Variants in TGFA observed in about 807,000 individuals in gnomAD.
TGFA encodes the protein transforming growth factor alpha, also known as protransforming growth factor alpha.
TGFA carries 12 observed loss-of-function variants against 21.7 expected under a neutral mutation model. The ratio of observed to expected loss-of-function variants is 0.55; its 90% CI spans 0.35 to 0.90. The LOEUF is 0.90. TGFA is among the 40% of genes least tolerant of loss of function. TGFA has a pLI of 0.01. For missense variants in TGFA, 178 were observed against 210.8 expected, an observed-to-expected ratio of 0.84 and a Z score of 0.96; for synonymous variants, 79 against 88.1, an observed-to-expected ratio of 0.90 and a Z score of 0.58.
At chr2:70,488,841 G>A (rs1671344019) in intron 2 of TGFA, among the ~76,000 whole-genome samples, 1 of 152,154 alleles carries the variant, frequency 6.6e-6, no homozygotes. Context: ...TTTCTGTGAT[G>A]CACCCTGCAG....
intron 2 of TGFA, among the ~76,000 whole-genome samples, chr2:70,469,976 G>A (rs1670685902): frequency 6.6e-6 from 1 of 152,142 alleles, no homozygotes; most frequent in Non-Finnish European, 1.5e-5. Flanking sequence ...ATGACATGAG[G>A]TGGTGTTATA....
chr2:70,475,885 G>A (rs782403142), intron 2 of TGFA, among the ~76,000 whole-genome samples: 6 of 151,836 alleles, frequency 4.0e-5, no homozygotes, highest in African/African-American at 7.3e-5. Context: ...AGGCAGGTAT[G>A]AGACTCCACA....
At chr2:70,508,721 A>G (rs1228955410) in intron 2 of TGFA, among the ~76,000 whole-genome samples, 2 of 152,208 alleles carry the variant, frequency 1.3e-5, no homozygotes, top group African/African-American at 2.4e-5. Flanking sequence ...ATTCAATTCC[A>G]CTTTTAAAAA....
rs933088382 is a variant in TGFA at position 70,465,726 on chromosome 2, G to A, written c.105C>T (p.Pro35=). The change falls in exon 3 of 6, where the codon CCC becomes CCT. Residue 35 remains proline (P), a synonymous_variant. Transcript: ENST00000295400. ...AATGGGACACCACTGCTGCAGCCAC[G>A]GGCGGGTCTGCTGGGGAGAGGAAAG... ...NSTSPLSADP[P]VAAAVVSHFN... The A allele has an allele frequency of 5.6e-6, 9 of 1,613,986 alleles. No homozygotes were observed. Among genetic ancestry groups the A allele is most frequent in the East Asian group, 2.2e-5 (1 of 44,866 alleles).
chr2:70,459,017 G>T (rs1454547772), intron 3 of TGFA, among the ~76,000 whole-genome samples: 1 of 152,234 alleles, frequency 6.6e-6, no homozygotes, highest in African/African-American at 2.4e-5. Context: ...TAGGGTTAGT[G>T]CTTCTTTCTC....
chr2:70,515,721 C>T (rs192907292), intron 1 of TGFA, among the ~76,000 whole-genome samples: 74 of 152,214 alleles, frequency 4.9e-4, no homozygotes, highest in African/African-American at 1.5e-3. Context: ...GCCACCATGC[C>T]GTACCCTGAG....
At chr2:70,451,989 C>T (rs1670074000) in intron 5 of TGFA, among the ~76,000 whole-genome samples, 1 of 152,222 alleles carries the variant, frequency 6.6e-6, no homozygotes, top group Non-Finnish European at 1.5e-5. Flanking sequence ...TGCTCCCTTA[C>T]TGTGCACGAT....
chr2:70,462,286 G>C (rs1281252533), intron 3 of TGFA, among the ~76,000 whole-genome samples: 1 of 152,228 alleles, frequency 6.6e-6, no homozygotes, highest in African/African-American at 2.4e-5. Context: ...AAAGGGATAA[G>C]GTGTGGTTCT....
chr2:70,485,129 C>T (rs1191539716), intron 2 of TGFA, among the ~76,000 whole-genome samples: 5 of 152,176 alleles, frequency 3.3e-5, no homozygotes, highest in African/African-American at 4.8e-5. Flanking sequence ...CTGTAGTTAC[C>T]CAAGGTGGTA....
At position 70,539,019 on chromosome 2, in the gene TGFA, C is replaced by T. The variant is rs115930368; in HGVS notation, c.40+14709G>A. ...ACAACCCTGATCAGTCAGCAGCCAACGACATCAAGGTGATATCCTTCACCA... is the reference window on the plus strand; with the variant it reads ...ACAACCCTGATCAGTCAGCAGCCAATGACATCAAGGTGATATCCTTCACCA... On this transcript the variant is annotated intron_variant, in intron 1 of 5. Coordinates refer to ENST00000295400, the MANE Select transcript of TGFA (RefSeq NM_003236.4). Among the ~76,000 whole-genome samples, 1,209 of 152,296 alleles carry T rather than the reference C, an allele frequency of 7.9e-3. 8 individuals are homozygous for T. The highest frequency in any genetic ancestry group is 0.012 in the Admixed American group (186 of 15,292).
intron 1 of TGFA, among the ~76,000 whole-genome samples, chr2:70,537,396 A>G (rs1373058066): frequency 3.9e-5 from 6 of 152,236 alleles, no homozygotes; most frequent in African/African-American, 1.4e-4. Context: ...CAAAAGCTAG[A>G]AATGATTGCA....
At chr2:70,516,462 T>C (rs2863689) in intron 1 of TGFA, among the ~76,000 whole-genome samples, 9,800 of 152,252 alleles carry the variant, frequency 0.064, 1,061 homozygotes, top group African/African-American at 0.22. Context: ...CTGCTTTTAC[T>C]GGAGGTCTGG....
intron 2 of TGFA, among the ~76,000 whole-genome samples, chr2:70,507,312 A>G (rs1671956410): frequency 6.6e-6 from 1 of 152,254 alleles, no homozygotes; most frequent in African/African-American, 2.4e-5. Context: ...TGCAAATGAA[A>G]TTCACATATA....
chr2:70,494,314 T>A (rs567275418), intron 2 of TGFA, among the ~76,000 whole-genome samples: 27 of 152,344 alleles, frequency 1.8e-4, no homozygotes, highest in African/African-American at 6.0e-4. Flanking sequence ...TAAGGTAGCA[T>A]AGTCAGAGTT....
At chr2:70,451,700 G>C (rs772158931) in intron 5 of TGFA, 51 of 684,840 alleles carry the variant, frequency 7.4e-5, no homozygotes, top group Non-Finnish European at 1.2e-4. Flanking sequence ...TTTTCTATTG[G>C]TGCTAAAAGA....
At position 70,453,199 on chromosome 2, in the gene TGFA, C is replaced by T. The variant is rs1170896325; in HGVS notation, c.475+19G>A. On this transcript the variant is annotated intron_variant, in intron 5 of 5. Coordinates refer to ENST00000295400, the MANE Select transcript of TGFA (RefSeq NM_003236.4). ...TTCTCCACCCAATAGTGTCTCCCAC[C>T]AGAGAAGAGTCTCCTTACCTGTTTC... 1 of 1,607,454 alleles carries T rather than the reference C, an allele frequency of 6.2e-7. No individual in the cohort carries two copies.
intron 1 of TGFA, among the ~76,000 whole-genome samples, chr2:70,542,901 G>A (rs900794500): frequency 6.6e-6 from 1 of 152,056 alleles, no homozygotes; most frequent in Non-Finnish European, 1.5e-5. Context: ...TCAGGAGTTC[G>A]AGACCAGCCT....
At chr2:70,533,401 G>A (rs1672875876) in intron 1 of TGFA, among the ~76,000 whole-genome samples, 1 of 152,080 alleles carries the variant, frequency 6.6e-6, no homozygotes, top group South Asian at 2.1e-4. Flanking sequence ...TTTAGATTGT[G>A]GGTCACAAAG....
At chr2:70,552,674 T>C (rs1673548651) in intron 1 of TGFA, among the ~76,000 whole-genome samples, 1 of 152,188 alleles carries the variant, frequency 6.6e-6, no homozygotes, top group Non-Finnish European at 1.5e-5. Context: ...GAACCCCCTG[T>C]AGTTGTACAC....
Sources: gnomAD v4.1 joint callset for allele counts (sites outside exome capture counted in the v4.1 genomes callset) on GRCh38, gnomAD v4.1.1 for gene constraint, MANE v1.5 for transcripts, NCBI Gene and HGNC (gene_info 2026-07-23, HGNC 2026-07-21) for gene names.